Variants in AQR observed in about 807,000 individuals in gnomAD.
The protein encoded by AQR is aquarius intron-binding spliceosomal factor, also known as RNA helicase aquarius.
AQR carries 61 observed loss-of-function variants against 180.5 expected under a neutral mutation model. The ratio of observed to expected loss-of-function variants is 0.34; its 90% CI spans 0.28 to 0.42. The LOEUF (loss-of-function observed/expected upper bound fraction) is 0.42. Among genes scored for constraint, AQR ranks in the 10% least tolerant of loss-of-function variants. The pLI, the probability that AQR is intolerant of heterozygous loss-of-function variation, is 1.00. For missense variants in AQR, 1,281 were observed against 1,798.3 expected (o/e 0.71, Z 5.20); for synonymous variants, 551 against 588.8 (o/e 0.94, Z 0.93).
At chr15:34,939,867 G>A (rs1488746183) in intron 8 of AQR, among the ~76,000 whole-genome samples, 1 of 152,184 alleles carries the variant, frequency 6.6e-6, no homozygotes, top group Non-Finnish European at 1.5e-5. Context: ...GGGTACTACT[G>A]TCCAGATTTC....
Position 34,938,768 on chromosome 15 carries a change from A to G in AQR, c.687T>C (p.Phe229=), listed in dbSNP as rs768416987. ...GTGGGACTGATTTCAGCACAGAGAT[A>G]AACTTCTGGATGAGTTGTGAAAGAA... is the stretch of plus-strand genomic sequence containing the variant. The part of the protein sequence containing the change: ...RRFLSQLIQK[F]ISVLKSVPLS... The change falls in exon 9 of 35, where the codon TTT becomes TTC. Residue 229 remains phenylalanine, a synonymous_variant. Transcript: ENST00000156471. 22 of 1,609,424 alleles carry G rather than the reference A, an allele frequency of 1.4e-5. No homozygotes were observed. Among genetic ancestry groups the G allele is most frequent in the Non-Finnish European group, 1.6e-5 (19 of 1,176,602 alleles).
At position 34,867,474 on chromosome 15, in the gene AQR, AAGTAGAT is replaced by A. The variant is rs556780960; in HGVS notation, c.3854+43_3854+49del. The stretch of plus-strand genomic sequence containing the variant: ...ACTTAGCCACAGAATTTCAAAATTG[AAGTAGAT>A]AGTAAAGTTCAATAAATATTATGAA... On this transcript the variant is annotated intron_variant, in intron 32 of 34. Coordinates refer to ENST00000156471, the MANE Select transcript of AQR (RefSeq NM_014691.3). 2.5e-4 allele frequency: 374 copies of A among 1,471,656 alleles called. 2 individuals carry two copies. In the African/African-American group the frequency reaches 4.4e-3, roughly 17 times the overall value. 91.2% of individuals were successfully genotyped at this position (1,471,656 alleles called of 1,614,324 possible). A position where few individuals can be genotyped will look rare whatever the true frequency, so the allele number is the denominator to read the frequency against.
chr15:34,918,076 C>G (rs1317006910), intron 15 of AQR, among the ~76,000 whole-genome samples, 182 bp downstream of exon 15: 2 of 152,072 alleles, frequency 1.3e-5, no homozygotes, highest in African/African-American at 2.4e-5. Context: ...TAATAAAAAC[C>G]CTTAGTGCTA....
chr15:34,913,616 ATTTTTGTTGC>A (rs908869059), intron 16 of AQR, among the ~76,000 whole-genome samples: 3 of 152,206 alleles, frequency 2.0e-5, no homozygotes, highest in African/African-American at 7.2e-5. Context: ...AACTCAAAGT[ATTTTTGTTGC>A]ACTTGGCATT....
chr15:34,941,690 C>CTA (rs1215388232), intron 7 of AQR, among the ~76,000 whole-genome samples: 1 of 151,976 alleles, frequency 6.6e-6, no homozygotes, highest in Non-Finnish European at 1.5e-5. Context: ...TCTCCTACAG[C>CTA]TATATATATA....
intron 14 of AQR, among the ~76,000 whole-genome samples, chr15:34,919,651 CTT>C (rs1045749149): frequency 6.6e-6 from 1 of 152,102 alleles, no homozygotes; most frequent in African/African-American, 2.4e-5. Context: ...TAACCCAACA[CTT>C]TGGGAGGCTG....
chr15:34,964,589 T>G (rs1289989432), intron 1 of AQR: 1 of 425,906 alleles, frequency 2.3e-6, no homozygotes, highest in Non-Finnish European at 4.4e-6. Context: ...GAGCCAAACA[T>G]CTTCAGCATG....
rs1379888838 is a variant in AQR at position 34,884,678 on chromosome 15, C to T, written c.2874G>A (p.Leu958=). ...ISKVKNKGST[L]PDVTEVSTFF... Reference sequence around the variant, plus strand: ...AAGTGGAGACTTCCGTAACATCTGGCAATGTACTACCTTTATTTTTCACTT... The same window carrying T: ...AAGTGGAGACTTCCGTAACATCTGGTAATGTACTACCTTTATTTTTCACTT... Residue 958 remains leucine, a synonymous_variant, in exon 26 of 35, where the codon TTG becomes TTA. Coordinates refer to ENST00000156471, the MANE Select transcript of AQR (RefSeq NM_014691.3). 2.5e-6 allele frequency: 4 copies of T among 1,612,076 alleles called. No individual in the cohort carries two copies. The highest frequency in any genetic ancestry group is 3.4e-6 in the Non-Finnish European group (4 of 1,179,412).
intron 17 of AQR, 65 bp from the exon 18 acceptor site, chr15:34,906,777 ATTCT>A: frequency 2.7e-6 from 4 of 1,509,134 alleles, no homozygotes; most frequent in Non-Finnish European, 2.7e-6. Flanking sequence ...TTGTAGGCAA[ATTCT>A]TATTTGCCTC....
chr15:34,917,899 A>G (rs12904279), intron 15 of AQR, among the ~76,000 whole-genome samples: 109,754 of 150,792 alleles, frequency 0.73, 41,484 homozygotes, highest in Middle Eastern at 0.84. Context: ...TGGGAGGATC[A>G]CTTGAGCCCA....
intron 19 of AQR, among the ~76,000 whole-genome samples, chr15:34,902,612 C>T (rs972707611): frequency 6.6e-6 from 1 of 152,074 alleles, no homozygotes; most frequent in Non-Finnish European, 1.5e-5. Context: ...GTGTCTGATT[C>T]ATCTTCATAA....
At chr15:34,953,922 T>C (rs2140504485) in intron 3 of AQR, among the ~76,000 whole-genome samples, 1 of 152,342 alleles carries the variant, frequency 6.6e-6, no homozygotes, top group Non-Finnish European at 1.5e-5. Flanking sequence ...TTTATTTTTT[T>C]CTTTTTTACT....
At chr15:34,878,628 T>G (rs1189006252) in intron 27 of AQR, among the ~76,000 whole-genome samples, 1 of 152,188 alleles carries the variant, frequency 6.6e-6, no homozygotes, top group African/African-American at 2.4e-5. Context: ...GAATTCATAT[T>G]TCCTTTTACA....
Position 34,862,991 on chromosome 15 carries a change from T to C in AQR, c.3905A>G (p.Tyr1302Cys). The change falls in exon 33 of 35, where the codon TAT (tyrosine) becomes TGT (cysteine). Residue 1302 changes from tyrosine to cysteine, a missense_variant. Tyr to Cys is a radical substitution (Grantham distance 194). Around this residue, in one of 9 missense-constraint regions of AQR, gnomAD observed 197 missense variants for 320.7 expected, o/e 0.61. Transcript: ENST00000156471. ...VAMSRARLGL[Y>C]IFARVSLFQN... ...GAAGAGGGATACTCTGGCGAAGATA[T>C]AAAGTCCAAGTCTGGCTCTAGACAT... 6.2e-7 allele frequency: 1 copy of C among 1,613,804 alleles called. No individual in the cohort carries two copies. Among genetic ancestry groups the C allele is most frequent in the Non-Finnish European group, 8.5e-7 (1 of 1,179,842 alleles).
intron 27 of AQR, among the ~76,000 whole-genome samples, chr15:34,879,136 C>T (rs1235426801): frequency 6.6e-6 from 1 of 152,072 alleles, no homozygotes; most frequent in Non-Finnish European, 1.5e-5. Flanking sequence ...CTCTGGAAAC[C>T]CCCTAAAATA....
At chr15:34,870,509 A>T (rs924368838) in intron 31 of AQR, among the ~76,000 whole-genome samples, 1 of 152,116 alleles carries the variant, frequency 6.6e-6, no homozygotes, top group African/African-American at 2.4e-5. Context: ...GTTATATATC[A>T]TTTTATGAAC....
At chr15:34,915,499 C>T (rs1177262172) in intron 15 of AQR, among the ~76,000 whole-genome samples, 1 of 151,008 alleles carries the variant, frequency 6.6e-6, no homozygotes, top group African/African-American at 2.4e-5. Flanking sequence ...CTGAATTATT[C>T]TTTTAATCAG....
intron 2 of AQR, 22 bp downstream of exon 2, chr15:34,964,212 T>A (rs1393215329): frequency 1.3e-6 from 2 of 1,551,864 alleles, no homozygotes; most frequent in South Asian, 1.1e-5. Context: ...TCAAGAATTA[T>A]GTTGAAACCA....
At chr15:34,898,810 G>C (rs867833308) in intron 20 of AQR, among the ~76,000 whole-genome samples, 150 of 150,896 alleles carry the variant, frequency 9.9e-4, no homozygotes, top group African/African-American at 3.1e-3. Flanking sequence ...CGTGAACCCG[G>C]GAGGCAGAGC....
Sources: gnomAD v4.1 joint callset for allele counts (sites outside exome capture counted in the v4.1 genomes callset) on GRCh38, gnomAD v4.1.1 for gene constraint, gnomAD v4.1.1 regional missense constraint, MANE v1.5 for transcripts, NCBI Gene and HGNC (gene_info 2026-07-23, HGNC 2026-07-21) for gene names.